ETS1: variants seen among roughly 807,000 people sequenced by gnomAD.
The protein encoded by ETS1 is protein C-ets-1.
Under a neutral mutation model 58.6 loss-of-function variants are expected in ETS1, and 15 were observed. The observed-to-expected ratio is 0.26, with a 90% CI of 0.17 to 0.39. The LOEUF (loss-of-function observed/expected upper bound fraction) is 0.39, where lower values mean the gene tolerates loss of function less well. Ranked by LOEUF, ETS1 falls within the 10% of genes least tolerant of loss-of-function variation. The probability of loss-of-function intolerance (pLI) is 1.00; values close to 1 mark genes in which losing one functional copy is unlikely to be tolerated. For missense variants in ETS1, 417 were observed against 610.5 expected (o/e 0.68, Z 3.34); for synonymous variants, 214 against 218.2 (o/e 0.98, Z 0.17).
At chr11:128,522,180 G>C in intron 3 of ETS1, 1 of 1,269,832 alleles carries the variant, frequency 7.9e-7, no homozygotes, top group Non-Finnish European at 9.9e-7. Flanking sequence ...CACTCCAGGG[G>C]AAGTTGGCAC....
intron 1 of ETS1, among the ~76,000 whole-genome samples, chr11:128,580,824 C>T (rs1591679322): frequency 6.6e-6 from 1 of 152,144 alleles, no homozygotes; most frequent in African/African-American, 2.4e-5. Flanking sequence ...TTCCGCCAAC[C>T]CTTGCTTAAA....
chr11:128,578,012 C>CA (rs1565417920), intron 1 of ETS1, among the ~76,000 whole-genome samples: 1 of 151,824 alleles, frequency 6.6e-6, no homozygotes, highest in African/African-American at 2.4e-5. Flanking sequence ...ATGGAGAAGA[C>CA]AAAAAAGTCA....
chr11:128,541,154 C>T (rs1244047917), intron 3 of ETS1, among the ~76,000 whole-genome samples: 1 of 152,186 alleles, frequency 6.6e-6, no homozygotes, highest in East Asian at 1.9e-4. Flanking sequence ...CCCTGGTGCT[C>T]ACCAGCTCTG....
At chr11:128,467,876 G>A (rs755413583) in intron 8 of ETS1, among the ~76,000 whole-genome samples, 2 of 151,988 alleles carry the variant, frequency 1.3e-5, no homozygotes, top group African/African-American at 4.8e-5. Flanking sequence ...CCATGCGGGC[G>A]GGAGAGCACC....
intron 3 of ETS1, among the ~76,000 whole-genome samples, chr11:128,552,592 T>C (rs558368217): frequency 6.6e-6 from 1 of 152,358 alleles, no homozygotes; most frequent in African/African-American, 2.4e-5. Flanking sequence ...TGAAAAATAA[T>C]TTGATACTAT....
intron 6 of ETS1, among the ~76,000 whole-genome samples, chr11:128,485,347 A>G (rs1275777412): frequency 6.6e-6 from 1 of 152,258 alleles, no homozygotes; most frequent in Non-Finnish European, 1.5e-5. Flanking sequence ...AAATGAGGAT[A>G]GAGGTCAAAT....
At chr11:128,490,313 G>A (rs1441114067) in intron 4 of ETS1, 144 bp downstream of exon 4, 2 of 789,796 alleles carry the variant, frequency 2.5e-6, no homozygotes, top group Non-Finnish European at 4.2e-6. Context: ...TGTCATGATT[G>A]TCCTAACAGA....
At chr11:128,534,668 C>A (rs1164123700) in intron 3 of ETS1, among the ~76,000 whole-genome samples, 1 of 152,206 alleles carries the variant, frequency 6.6e-6, no homozygotes, top group South Asian at 2.1e-4. Context: ...TAAGTAAGAA[C>A]AGACAGTGTT....
chr11:128,511,039 G>GA (rs1863380174), intron 3 of ETS1, among the ~76,000 whole-genome samples: 1 of 152,156 alleles, frequency 6.6e-6, no homozygotes, highest in Non-Finnish European at 1.5e-5. Context: ...CTAGCAGGGT[G>GA]AAAAAATTGT....
At chr11:128,559,307 C>T (rs745951572) in intron 2 of ETS1, among the ~76,000 whole-genome samples, 4 of 152,164 alleles carry the variant, frequency 2.6e-5, no homozygotes, top group Admixed American at 1.3e-4. Flanking sequence ...GGTAGATAAT[C>T]GGTAAGTAGG....
chr11:128,482,266 G>A (rs1862507222), intron 7 of ETS1, among the ~76,000 whole-genome samples: 1 of 152,124 alleles, frequency 6.6e-6, no homozygotes, highest in African/African-American at 2.4e-5. Flanking sequence ...AGCAGAACAG[G>A]AAATTCTGTG....
chr11:128,574,620 T>G (rs973895250), intron 1 of ETS1, among the ~76,000 whole-genome samples: 3 of 152,152 alleles, frequency 2.0e-5, no homozygotes, highest in Non-Finnish European at 4.4e-5. Flanking sequence ...TACCAGGCAC[T>G]GAGCATGAAA....
chr11:128,504,716 T>C (rs1001129993), intron 3 of ETS1, among the ~76,000 whole-genome samples: 3 of 152,190 alleles, frequency 2.0e-5, no homozygotes, highest in Middle Eastern at 3.2e-3. Context: ...TCTACATCAT[T>C]GCTGTTTACT....
chr11:128,508,784 A>G (rs1199522841), intron 3 of ETS1, among the ~76,000 whole-genome samples: 1 of 152,252 alleles, frequency 6.6e-6, no homozygotes, highest in African/African-American at 2.4e-5. Flanking sequence ...AGATTCGTAA[A>G]GAGATTTGTG....
chr11:128,506,659 G>C (rs974756105), intron 3 of ETS1, among the ~76,000 whole-genome samples: 1 of 152,136 alleles, frequency 6.6e-6, no homozygotes, highest in Non-Finnish European at 1.5e-5. Flanking sequence ...AAGGGAAGAC[G>C]AGAGGATGAG....
intron 8 of ETS1, among the ~76,000 whole-genome samples, chr11:128,472,758 G>T (rs2135425942): frequency 6.6e-6 from 1 of 152,264 alleles, no homozygotes; most frequent in Middle Eastern, 3.4e-3. Context: ...TCTTAGAATG[G>T]AGCTGCAGTT....
intron 8 of ETS1, among the ~76,000 whole-genome samples, chr11:128,475,959 T>C (rs1862313294): frequency 6.6e-6 from 1 of 152,096 alleles, no homozygotes; most frequent in African/African-American, 2.4e-5. Flanking sequence ...GTCCCAAATT[T>C]AGCCTTAAGG....
intron 1 of ETS1, among the ~76,000 whole-genome samples, chr11:128,584,419 G>C (rs796186812): frequency 6.6e-6 from 1 of 152,166 alleles, no homozygotes; most frequent in Admixed American, 6.5e-5. Flanking sequence ...GAGTTAACAC[G>C]GTCATATGAC....
At chr11:128,534,834 C>A (rs534198922) in intron 3 of ETS1, among the ~76,000 whole-genome samples, 79 of 152,258 alleles carry the variant, frequency 5.2e-4, no homozygotes, top group African/African-American at 1.4e-3. Flanking sequence ...CATTGATGGG[C>A]ATTTGAGTTG....
Sources: allele counts gnomAD v4.1 joint callset (sites outside exome capture counted in the v4.1 genomes callset), GRCh38; gene constraint gnomAD v4.1.1; transcripts MANE v1.5; gene names NCBI Gene and HGNC (gene_info 2026-07-23, HGNC 2026-07-21).